PPP2R2B: variants seen among roughly 807,000 people sequenced by gnomAD.
PPP2R2B encodes the protein protein phosphatase 2 regulatory subunit Bbeta, also known as serine/threonine-protein phosphatase 2A 55 kDa regulatory subunit B beta isoform.
A neutral mutation model predicts 46.0 loss-of-function variants in PPP2R2B; 5 were observed. That is an observed-to-expected ratio of 0.11 (90% CI 0.06 to 0.23). PPP2R2B has a LOEUF of 0.23. Among genes scored for constraint, PPP2R2B ranks in the 10% least tolerant of loss-of-function variants. The pLI is 1.00. For missense variants in PPP2R2B, 367 were observed against 575.0 expected (o/e 0.64, Z 3.70); for synonymous variants, 215 against 206.7 (o/e 1.04, Z -0.34).
intron 1 of PPP2R2B, among the ~76,000 whole-genome samples, chr5:146,942,973 G>A (rs1272455383): frequency 6.6e-6 from 1 of 151,816 alleles, no homozygotes; most frequent in Non-Finnish European, 1.5e-5. Context: ...AATTTTTTTT[G>A]TACTTAGTAG....
intron 1 of PPP2R2B, among the ~76,000 whole-genome samples, chr5:146,927,906 T>C (rs1452352293): frequency 1.3e-5 from 2 of 151,940 alleles, no homozygotes; most frequent in Non-Finnish European, 2.9e-5. Context: ...CATGCCTGGC[T>C]AATTTTTGTA....
intron 1 of PPP2R2B, among the ~76,000 whole-genome samples, chr5:146,931,147 G>C (rs1043366643): frequency 2.6e-5 from 4 of 152,128 alleles, no homozygotes; most frequent in Non-Finnish European, 4.4e-5. Context: ...ATAGTTGAAA[G>C]GAGGAGAAAG....
chr5:146,666,273 G>A (rs990239907), intron 5 of PPP2R2B, among the ~76,000 whole-genome samples: 7 of 152,180 alleles, frequency 4.6e-5, no homozygotes, highest in Non-Finnish European at 8.8e-5. Context: ...GTTAATATAT[G>A]TATTCATAGA....
chr5:146,895,682 T>A (rs1008066936), intron 1 of PPP2R2B, among the ~76,000 whole-genome samples: 5 of 152,194 alleles, frequency 3.3e-5, no homozygotes, highest in African/African-American at 7.2e-5. Context: ...AGATAAAAAA[T>A]TTTGTTCCTA....
At chr5:147,005,330 C>T (rs974360343) in intron 1 of PPP2R2B, among the ~76,000 whole-genome samples, 1 of 152,186 alleles carries the variant, frequency 6.6e-6, no homozygotes, top group African/African-American at 2.4e-5. Context: ...TAAACCTCTT[C>T]CCCCAGGGAC....
intron 1 of PPP2R2B, among the ~76,000 whole-genome samples, chr5:146,909,908 G>A (rs1218722176): frequency 6.6e-6 from 1 of 152,158 alleles, no homozygotes; most frequent in East Asian, 1.9e-4. Flanking sequence ...TACCCCTATG[G>A]CTAATTTCTT....
Position 146,831,139 on chromosome 5 carries a change from C to CT in PPP2R2B, c.70+46862dup, listed in dbSNP as rs575952837. Among the ~76,000 whole-genome samples the CT allele has an allele frequency of 6.8e-4, 103 of 152,096 alleles. 1 individual carries two copies. The highest frequency in any genetic ancestry group is 2.4e-3 in the Admixed American group (37 of 15,274). On this transcript the variant is annotated intron_variant, in intron 2 of 9. Coordinates refer to ENST00000394411, the MANE Select transcript of PPP2R2B (RefSeq NM_181675.4). ...TATGTTACTCGTTATGTATACTATA[C>CT]TTTTTATCATTATTTCAGAGTGTAC...
chr5:146,642,565 C>T (rs989701932), intron 6 of PPP2R2B, among the ~76,000 whole-genome samples: 9 of 152,196 alleles, frequency 5.9e-5, no homozygotes, highest in Admixed American at 3.3e-4. Flanking sequence ...TCTGTAAAAA[C>T]CATAGTGCAC....
chr5:146,936,118 C>A (rs1047047401), intron 1 of PPP2R2B, among the ~76,000 whole-genome samples: 2 of 152,146 alleles, frequency 1.3e-5, no homozygotes, highest in Admixed American at 1.3e-4. Flanking sequence ...GTAAGCTCTG[C>A]TGCCATCAGT....
intron 2 of PPP2R2B, among the ~76,000 whole-genome samples, chr5:146,793,018 G>A (rs1001405892): frequency 2.0e-5 from 3 of 152,176 alleles, no homozygotes; most frequent in African/African-American, 7.2e-5. Context: ...GTGGAAGCAG[G>A]GAACTGCTAC....
chr5:146,905,327 T>C (rs1307471169), intron 1 of PPP2R2B, among the ~76,000 whole-genome samples: 2 of 152,230 alleles, frequency 1.3e-5, no homozygotes, highest in Non-Finnish European at 2.9e-5. Context: ...CTCCTGCATA[T>C]TTATTAGGGA....
chr5:147,033,224 A>G (rs548052763), intron 1 of PPP2R2B, among the ~76,000 whole-genome samples: 4 of 152,272 alleles, frequency 2.6e-5, no homozygotes, highest in Admixed American at 2.6e-4. Flanking sequence ...GCCTCCTTCT[A>G]TTTTCAATTT....
intron 2 of PPP2R2B, among the ~76,000 whole-genome samples, chr5:146,817,148 C>T (rs988471186): frequency 6.6e-6 from 1 of 152,154 alleles, no homozygotes; most frequent in Non-Finnish European, 1.5e-5. Context: ...CTACATTTGG[C>T]CCATCATCTA....
intron 5 of PPP2R2B, among the ~76,000 whole-genome samples, chr5:146,659,053 A>G (rs1426276778): frequency 6.6e-6 from 1 of 152,100 alleles, no homozygotes; most frequent in Non-Finnish European, 1.5e-5. Context: ...AAAACCTTTT[A>G]ACATGATTTA....
chr5:146,740,093 G>A (rs1752774933), intron 2 of PPP2R2B, among the ~76,000 whole-genome samples: 1 of 152,196 alleles, frequency 6.6e-6, no homozygotes, highest in Admixed American at 6.5e-5. Flanking sequence ...GGGGATCCTT[G>A]GGAAATGTAG....
rs917040059 is a variant in PPP2R2B, at chr5:146,652,346, C to T, written c.448-1622G>A. Among the ~76,000 whole-genome samples, 7 of 152,328 alleles carry T rather than the reference C, an allele frequency of 4.6e-5. No homozygotes were observed. The South Asian group carries it at 1.2e-3, about 27-fold the overall frequency. On this transcript the variant is annotated intron_variant, in intron 5 of 9. Transcript: ENST00000394411. ...GACCTCCAATGCATCCTCCTACCCA[C>T]TCTTTCAACAATATTTACTGAGTGC...
chr5:146,768,078 T>C (rs1254514988), intron 2 of PPP2R2B, among the ~76,000 whole-genome samples: 1 of 151,938 alleles, frequency 6.6e-6, no homozygotes, highest in East Asian at 1.9e-4. Flanking sequence ...CAATTGGTTT[T>C]CTTTTTTTTT....
At chr5:146,894,258 T>C (rs1389875110) in intron 1 of PPP2R2B, among the ~76,000 whole-genome samples, 1 of 152,174 alleles carries the variant, frequency 6.6e-6, no homozygotes, top group African/African-American at 2.4e-5. Context: ...TGCCTTCCCA[T>C]AACTCTTAGG....
chr5:146,686,861 T>C (rs1475117368), intron 5 of PPP2R2B, among the ~76,000 whole-genome samples: 1 of 152,150 alleles, frequency 6.6e-6, no homozygotes, highest in Non-Finnish European at 1.5e-5. Context: ...GAGCTCCCAT[T>C]ACCTAGAAAG....
Sources: gnomAD v4.1 joint callset for allele counts (sites outside exome capture counted in the v4.1 genomes callset) on GRCh38, gnomAD v4.1.1 for gene constraint, MANE v1.5 for transcripts, NCBI Gene and HGNC (gene_info 2026-07-23, HGNC 2026-07-21) for gene names.